LPIN3: variants seen among roughly 807,000 people sequenced by gnomAD.
The protein encoded by LPIN3 is lipin 3, also known as phosphatidate phosphatase LPIN3.
In LPIN3, 82 loss-of-function variants were observed where a neutral mutation model predicts 94.7. The observed-to-expected ratio is 0.87, with a 90% confidence interval of 0.72 to 1.04. The LOEUF (loss-of-function observed/expected upper bound fraction) is 1.04, where lower values mean the gene tolerates loss of function less well. Among genes scored for constraint, LPIN3 ranks in the 50% least tolerant of loss-of-function variants. The pLI is 0.00. For synonymous variants in LPIN3, 418 were observed against 443.3 expected, an observed-to-expected ratio of 0.94 and a Z score of 0.72; for missense variants, 996 against 1,090.5, an observed-to-expected ratio of 0.91 and a Z score of 1.22.
intron 9 of LPIN3, 116 bp downstream of exon 9, chr20:41,352,336 A>G: frequency 8.1e-7 from 1 of 1,239,400 alleles, no homozygotes; most frequent in Non-Finnish European, 1.1e-6. Flanking sequence ...GCTTCCCTGC[A>G]GCTCTCTGCC....
intron 16 of LPIN3, 142 bp from the exon 17 acceptor site, chr20:41,357,740 T>C: frequency 8.8e-7 from 1 of 1,135,618 alleles, no homozygotes; most frequent in Non-Finnish European, 1.3e-6. Flanking sequence ...GTCCACTGCC[T>C]GGCCGTTCTC....
intron 16 of LPIN3, 63 bp downstream of exon 16, chr20:41,357,510 G>A (rs2046255262): frequency 2.1e-6 from 3 of 1,419,082 alleles, no homozygotes; most frequent in East Asian, 4.6e-5. Context: ...GGGAGTGACA[G>A]GACAGGACAT....
At position 41,358,470 on chromosome 20, in the gene LPIN3, C is replaced by G; in HGVS notation, c.2339C>G (p.Pro780Arg). 1 of 1,614,114 alleles carries G rather than the reference C, an allele frequency of 6.2e-7. No homozygotes were observed. The highest frequency in any genetic ancestry group is 8.5e-7 in the Non-Finnish European group (1 of 1,180,020). ...DVFAYRQVGL[P>R]ESRIFTVNPR... ...TTTGCCTACCGGCAGGTGGGCCTGC[C>G]TGAGTCACGCATCTTCACAGTCAAC... Residue 780 changes from proline (P) to arginine (R), a missense_variant, in exon 19 of 20, where the codon CCT (proline) becomes CGT (arginine). Pro to Arg is a moderately radical substitution (Grantham distance 103). Transcript: ENST00000373257.
In LPIN3 at chr20:41,359,126, T is replaced by A; in HGVS notation, c.*260T>A. ...TCATCTGGGCCCTTGCAGGGTTCTT[T>A]TTTTTTTTTTTTTTTTTTTTTTCCT... On this transcript the variant is annotated 3_prime_UTR_variant, in exon 20 of 20. Transcript: ENST00000373257. 12 of 206,578 alleles carry A rather than the reference T, an allele frequency of 5.8e-5. No individual in the cohort carries two copies. Among genetic ancestry groups the A allele is most frequent in the East Asian group, 9.5e-5 (1 of 10,484 alleles). 12.8% of individuals were successfully genotyped at this position (206,578 alleles called of 1,614,324 possible). A position where few individuals can be genotyped will look rare whatever the true frequency, so the allele number is the denominator to read the frequency against.
Position 41,350,340 on chromosome 20 carries a change from G to A in LPIN3, c.1045G>A (p.Ala349Thr). ...TCCTGCCTCCAAGTCATGGAGCTGG[G>A]CCACTCTGGAGGTTCCAGTTCCCAC... ...LPPASKSWSW[A>T]TLEVPVPTGQ... Residue 349 changes from alanine (A) to threonine (T), a missense_variant, in exon 7 of 20, where the codon GCC becomes ACC. By Grantham distance (58) the Ala-to-Thr change is moderately conservative (BLOSUM62 0). Transcript: ENST00000373257. The A allele has an allele frequency of 1.9e-6, 3 of 1,606,972 alleles. No homozygotes were observed. The highest frequency in any genetic ancestry group is 2.2e-5 in the South Asian group (2 of 90,502).
rs1017971789 is a variant in LPIN3, at chr20:41,356,147, G to T, written c.1803+113G>T. 24 of 1,460,004 alleles carry T rather than the reference G, an allele frequency of 1.6e-5. No individual in the cohort carries two copies. The South Asian group carries it at 3.1e-4, about 19-fold the overall frequency. 90.4% of individuals were successfully genotyped at this position (1,460,004 alleles called of 1,614,324 possible). A position where few individuals can be genotyped will look rare whatever the true frequency, so the allele number is the denominator to read the frequency against. ...CCAGGGAGCCACATGTTCACCAAAG[G>T]CCAGAATCTATCCCCTTGGGAGCCT... On this transcript the variant is annotated intron_variant, in intron 14 of 19. Coordinates refer to ENST00000373257, the MANE Select transcript of LPIN3 (RefSeq NM_022896.3).
Position 41,357,457 on chromosome 20 carries a change from T to TGGGCTG in LPIN3, c.2039+23_2039+28dup, listed in dbSNP as rs201428897. On this transcript the variant is annotated intron_variant, in intron 16 of 19. Coordinates refer to ENST00000373257, the MANE Select transcript of LPIN3 (RefSeq NM_022896.3). ...ATCACAAAATCCAACTGTGAGTGCC[T>TGGGCTG]GGGCTGGGGCTGGGGCTGAGGCGAG... 16 of 1,609,608 alleles carry TGGGCTG rather than the reference T, an allele frequency of 9.9e-6. No homozygotes were observed. Among genetic ancestry groups the TGGGCTG allele is most frequent in the Admixed American group, 1.7e-5 (1 of 59,990 alleles).
chr20:41,352,824 C>G lies in LPIN3; in HGVS notation c.1484C>G (p.Pro495Arg). The change falls in exon 11 of 20, where the codon CCC becomes CGC. Residue 495 changes from proline to arginine, a missense_variant. Physicochemically the swap from Pro to Arg is moderately radical, Grantham distance 103. Coordinates refer to ENST00000373257, the MANE Select transcript of LPIN3 (RefSeq NM_022896.3). ...CATTATAACTGGGCTGTGGCTGCCC[C>G]CATGATCCTCTCCCTGCAAGCCTTC... Reference protein sequence around the residue: ...GKHYNWAVAAPMILSLQAFQK... With the variant: ...GKHYNWAVAARMILSLQAFQK... 6.2e-7 allele frequency: 1 copy of G among 1,614,202 alleles called. No individual in the cohort carries two copies. The highest frequency in any genetic ancestry group is 8.5e-7 in the Non-Finnish European group (1 of 1,180,038).
Position 41,348,469 on chromosome 20 carries a change from A to G in LPIN3, c.289-150A>G, listed in dbSNP as rs572190882. 4.8e-5 allele frequency: 61 copies of G among 1,261,868 alleles called. No homozygotes were observed. In the South Asian group the frequency reaches 9.4e-4, roughly 19 times the overall value. The allele number at this position is 1,261,868 out of a possible 1,614,324, so 78.2% of individuals were successfully genotyped here. A position where few individuals can be genotyped will look rare whatever the true frequency, so the allele number is the denominator to read the frequency against. ...GACCTCTGAGGCCAGCAGTGGCTAC[A>G]GGGCCAGGCTGGTGCCTCCACACCT... On this transcript the variant is annotated intron_variant, in intron 3 of 19. Transcript: ENST00000373257.
intron 2 of LPIN3, among the ~76,000 whole-genome samples, chr20:41,347,102 T>C (rs377403992): frequency 6.6e-6 from 1 of 152,050 alleles, no homozygotes; most frequent in African/African-American, 2.4e-5. Flanking sequence ...AATGAGATAA[T>C]CTATAGAAAA....
Position 41,348,816 on chromosome 20 carries a change from T to A in LPIN3, c.486T>A (p.Ser162Arg), listed in dbSNP as rs760219305. The A allele has an allele frequency of 6.2e-7, 1 of 1,611,470 alleles. No individual in the cohort carries two copies. Residue 162 changes from serine (S) to arginine (R), a missense_variant, in exon 4 of 20, where the codon AGT becomes AGA. Physicochemically the swap from Ser to Arg is moderately radical, Grantham distance 110. Coordinates refer to ENST00000373257, the MANE Select transcript of LPIN3 (RefSeq NM_022896.3). ...AGGATGCAGTGGCAACTGATTCTAG[T>A]CCAGAGGAACTGGAGGCAGGCGCTG... ...QKEDAVATDS[S>R]PEELEAGAES... is the part of the protein sequence containing the mutation.
Position 41,357,924 on chromosome 20 carries a change from C to T in LPIN3, c.2082C>T (p.Gly694=), listed in dbSNP as rs139338558. ...KFLYCSARAI[G]MADLTKGYLQ... Reference sequence around the variant, plus strand: ...TGTACTGCTCGGCGCGGGCCATTGGCATGGCGGACCTCACCAAGGGGTACC... The same window carrying T: ...TGTACTGCTCGGCGCGGGCCATTGGTATGGCGGACCTCACCAAGGGGTACC... Residue 694 remains glycine, a synonymous_variant, in exon 17 of 20, where the codon GGC becomes GGT. Coordinates refer to ENST00000373257, the MANE Select transcript of LPIN3 (RefSeq NM_022896.3). 1.9e-6 allele frequency: 3 copies of T among 1,613,996 alleles called. No homozygotes were observed. The African/African-American group carries it at 4.0e-5, about 22-fold the overall frequency.
At chr20:41,350,527 A>G in intron 7 of LPIN3, 130 bp downstream of exon 7, 3 of 710,254 alleles carry the variant, frequency 4.2e-6, no homozygotes, top group South Asian at 4.1e-5. Context: ...AGCCTCATGA[A>G]GCTCACAGTG....
chr20:41,343,601 C>T (rs533219578), intron 1 of LPIN3, among the ~76,000 whole-genome samples: 20 of 152,308 alleles, frequency 1.3e-4, no homozygotes, highest in East Asian at 3.9e-4. Context: ...CTGCTTCATC[C>T]GATGTCCTAG....
intron 1 of LPIN3, among the ~76,000 whole-genome samples, chr20:41,343,077 C>T (rs1006855883): frequency 6.6e-6 from 1 of 152,192 alleles, no homozygotes; most frequent in Non-Finnish European, 1.5e-5. Flanking sequence ...TGAAGTGCTA[C>T]TGGCATCTAA....
rs1272126524 is a variant in LPIN3, at chr20:41,352,072, G to A, written c.1215G>A (p.Leu405=). The A allele has an allele frequency of 6.2e-7, 1 of 1,614,170 alleles. No homozygotes were observed. The highest frequency in any genetic ancestry group is 1.3e-5 in the African/African-American group (1 of 75,070). ...CCTTTGCCTGCAGTGACTCTGGGCT[G>A]GGGGCCAGAAGATGGAGTGAACCCA... ...ALYFPQSDSG[L]GARRWSEPSS... The change falls in exon 9 of 20, where the codon CTG becomes CTA. Residue 405 remains leucine (L), a synonymous_variant. Transcript: ENST00000373257.
chr20:41,346,360 T>C (rs1288200291), intron 2 of LPIN3, among the ~76,000 whole-genome samples: 1 of 152,264 alleles, frequency 6.6e-6, no homozygotes, highest in Non-Finnish European at 1.5e-5. Flanking sequence ...CTAATGATGC[T>C]GGTGGGACAA....
At position 41,349,754 on chromosome 20, in the gene LPIN3, T is replaced by C. The variant is rs2045930500; in HGVS notation, c.639-20T>C. On this transcript the variant is annotated intron_variant, in intron 5 of 19. Coordinates refer to ENST00000373257, the MANE Select transcript of LPIN3 (RefSeq NM_022896.3). ...GGGATGGGTAGGCAGGCTCAAGGCC[T>C]CTCAATATGTCTCCTGCAGCCTCTC... The C allele has an allele frequency of 6.2e-7, 1 of 1,603,656 alleles. No individual in the cohort carries two copies. The highest frequency in any genetic ancestry group is 1.3e-5 in the African/African-American group (1 of 74,476).
intron 14 of LPIN3, 36 bp from the exon 15 acceptor site, chr20:41,357,004 A>T: frequency 6.3e-7 from 1 of 1,598,338 alleles, no homozygotes; most frequent in Non-Finnish European, 8.6e-7. Context: ...CCTGGCTGTC[A>T]TCAATCACGA....
Sources: allele counts gnomAD v4.1 joint callset (sites outside exome capture counted in the v4.1 genomes callset), GRCh38; gene constraint gnomAD v4.1.1; transcripts MANE v1.5; gene names NCBI Gene and HGNC (gene_info 2026-07-23, HGNC 2026-07-21).